Variants in TRPV4 observed in about 807,000 individuals in gnomAD.
TRPV4 encodes transient receptor potential cation channel subfamily V member 4.
TRPV4 carries 58 observed loss-of-function variants against 84.1 expected under a neutral mutation model. The observed-to-expected ratio is 0.69, with a 90% confidence interval of 0.56 to 0.86. The LOEUF (loss-of-function observed/expected upper bound fraction) is 0.86, where lower values mean the gene tolerates loss of function less well. Among genes scored for constraint, TRPV4 ranks in the 40% least tolerant of loss-of-function variants. The probability of loss-of-function intolerance (pLI) is 0.00; values close to 1 mark genes in which losing one functional copy is unlikely to be tolerated. For missense variants in TRPV4, 879 were observed against 1,181.1 expected (o/e 0.74, Z 3.75); for synonymous variants, 489 against 500.9 (o/e 0.98, Z 0.32).
At chr12:109,804,953 C>T (rs1219867215) in intron 3 of TRPV4, among the ~76,000 whole-genome samples, 1 of 152,172 alleles carries the variant, frequency 6.6e-6, no homozygotes, top group Non-Finnish European at 1.5e-5. Flanking sequence ...AACATTCTTC[C>T]CTCCTCTTTT....
At chr12:109,820,759 G>A (rs1892069147) in intron 1 of TRPV4, among the ~76,000 whole-genome samples, 1 of 151,944 alleles carries the variant, frequency 6.6e-6, no homozygotes, top group South Asian at 2.1e-4. Context: ...TCCTGACCTC[G>A]TGATCCGCCT....
intron 1 of TRPV4, among the ~76,000 whole-genome samples, chr12:109,819,964 C>T (rs1892025912): frequency 6.6e-6 from 1 of 152,168 alleles, no homozygotes; most frequent in African/African-American, 2.4e-5. Context: ...TGGTGGTCCA[C>T]ACAGAGATGG....
intron 3 of TRPV4, among the ~76,000 whole-genome samples, chr12:109,805,307 A>G (rs1462133710): frequency 6.6e-6 from 1 of 152,226 alleles, no homozygotes; most frequent in African/African-American, 2.4e-5. Context: ...ATTCCAAACC[A>G]TAGGTGACCC....
chr12:109,794,265 C>T (rs1006107959), intron 8 of TRPV4, 64 bp downstream of exon 8: 1 of 1,591,504 alleles, frequency 6.3e-7, no homozygotes. Flanking sequence ...TGAGGTTGTG[C>T]CCCAGTCCTG....
At chr12:109,808,014 C>G (rs754510097) in intron 3 of TRPV4, among the ~76,000 whole-genome samples, 2 of 152,214 alleles carry the variant, frequency 1.3e-5, no homozygotes, top group Non-Finnish European at 2.9e-5. Flanking sequence ...AAGGTAGAAT[C>G]TGAACCCAGG....
At chr12:109,801,586 T>C (rs1390214623) in intron 4 of TRPV4, among the ~76,000 whole-genome samples, 1 of 152,190 alleles carries the variant, frequency 6.6e-6, no homozygotes, top group Non-Finnish European at 1.5e-5. Context: ...CTTTCCTTTA[T>C]AAATTATCCA....
At chr12:109,828,907 GAACATCA>G in intron 1 of TRPV4, among the ~76,000 whole-genome samples, 1 of 152,268 alleles carries the variant, frequency 6.6e-6, no homozygotes, top group Admixed American at 6.5e-5. Flanking sequence ...CCATCAAAAT[GAACATCA>G]GCCCTCACAC....
intron 6 of TRPV4, among the ~76,000 whole-genome samples, chr12:109,797,330 T>A (rs1890466823): frequency 6.6e-6 from 1 of 152,154 alleles, no homozygotes; most frequent in South Asian, 2.1e-4. Flanking sequence ...ATTTTTGTAT[T>A]TTTAGTAGAG....
chr12:109,789,629 C>T (rs977875035), intron 12 of TRPV4, among the ~76,000 whole-genome samples: 2 of 152,162 alleles, frequency 1.3e-5, no homozygotes, highest in Non-Finnish European at 2.9e-5. Context: ...GCAGCAACAA[C>T]CTGTCCCTAA....
rs771666778 is a variant in TRPV4 at position 109,783,273 on chromosome 12, C to G, written c.*348G>C. On this transcript the variant is annotated 3_prime_UTR_variant, in exon 16 of 16. Coordinates refer to ENST00000261740, the MANE Select transcript of TRPV4 (RefSeq NM_021625.5). The surrounding 1 kb of genome is among the most constrained non-coding windows in gnomAD (Gnocchi z 4.6). ...GCTTGGCCGGGCAGTGCACTTGGAA[C>G]GGGGTCCTAAGGCCTCTGCCAGGTT... is the stretch of plus-strand genomic sequence containing the variant. The G allele has an allele frequency of 7.8e-6, 2 of 256,850 alleles. No individual in the cohort carries two copies. Among genetic ancestry groups the G allele is most frequent in the South Asian group, 1.8e-4 (2 of 11,400 alleles). The allele number at this position is 256,850 out of a possible 1,614,324, so 15.9% of individuals were successfully genotyped here.
intron 13 of TRPV4, among the ~76,000 whole-genome samples, chr12:109,787,101 G>C (rs894869103): frequency 6.6e-6 from 1 of 152,182 alleles, no homozygotes; most frequent in Non-Finnish European, 1.5e-5. Flanking sequence ...CAGTGAGGGA[G>C]GGGTAGAGAC....
In TRPV4 at chr12:109,806,502, G is replaced by T. The variant is rs551204366; in HGVS notation, c.559+1794C>A. On this transcript the variant is annotated intron_variant, in intron 3 of 15. Coordinates refer to ENST00000261740, the MANE Select transcript of TRPV4 (RefSeq NM_021625.5). ...TTATAGGCATGAGCCACCGCACCCG[G>T]CCCCAGTAATTGTCTCCTGATGGAC... is the stretch of plus-strand genomic sequence containing the variant. 6.6e-5 allele frequency among the ~76,000 whole-genome samples: 10 copies of T among 151,648 alleles called. No individual in the cohort carries two copies. In the South Asian group the frequency reaches 1.5e-3, roughly 22 times the overall value.
intron 2 of TRPV4, among the ~76,000 whole-genome samples, chr12:109,813,632 T>G (rs995996416): frequency 6.6e-6 from 1 of 151,638 alleles, no homozygotes; most frequent in Non-Finnish European, 1.5e-5. Context: ...TATGGAAGGG[T>G]GGACAGAGGG....
chr12:109,788,697 G>C lies in TRPV4; in HGVS notation c.1911C>G (p.Asn637Lys). 1 of 1,614,184 alleles carries C rather than the reference G, an allele frequency of 6.2e-7. No homozygotes were observed. Among genetic ancestry groups the C allele is most frequent in the Non-Finnish European group, 8.5e-7 (1 of 1,180,054 alleles). Residue 637 changes from asparagine to lysine, a missense_variant, in exon 13 of 16, where the codon AAC becomes AAG. This residue lies in a region of TRPV4 where 242 missense variants were observed against 355.3 expected (regional missense o/e 0.68). Coordinates refer to ENST00000261740, the MANE Select transcript of TRPV4 (RefSeq NM_021625.5). ...TGCACACCTTCATGTTGGCACACGG[G>C]TTCAGGAGGGAGACCAGGGCTGTGG... ...GYASALVSLLNPCANMKVCNE... is the reference protein window; with the variant it reads ...GYASALVSLLKPCANMKVCNE...
At chr12:109,790,229 T>C (rs1889943986) in intron 12 of TRPV4, among the ~76,000 whole-genome samples, 2 of 152,222 alleles carry the variant, frequency 1.3e-5, no homozygotes, top group African/African-American at 4.8e-5. Context: ...CCTTGTCAGA[T>C]TCCTGTGCCA....
chr12:109,794,728 T>C (rs1281995972), intron 7 of TRPV4, among the ~76,000 whole-genome samples: 3 of 152,188 alleles, frequency 2.0e-5, no homozygotes, highest in Non-Finnish European at 4.4e-5. Context: ...AAAAGACATT[T>C]ATTTTCAGGC....
rs202036871 is a variant in TRPV4, at chr12:109,786,757, G to A, written c.2289C>T (p.Thr763=). The A allele has an allele frequency of 1.5e-4, 243 of 1,613,928 alleles. 2 individuals carry two copies. Among genetic ancestry groups the A allele is most frequent in the Non-Finnish European group, 7.0e-5 (83 of 1,180,006 alleles). The stretch of plus-strand genomic sequence containing the variant: ...GAGTGCCGTCCGAGCTCTTGCCCAC[G>A]GTGACCATCTCCCCAGAGCGGAAGG... ...RKAFRSGEMV[T]VGKSSDGTPD... The change falls in exon 14 of 16, where the codon ACC becomes ACT. Residue 763 remains threonine (T), a synonymous_variant. Coordinates refer to ENST00000261740, the MANE Select transcript of TRPV4 (RefSeq NM_021625.5). This position sits in a 1 kb window ranked among gnomAD's most constrained non-coding sequence, Gnocchi z 4.5.
At chr12:109,802,099 C>G (rs1211526284) in intron 4 of TRPV4, among the ~76,000 whole-genome samples, 1 of 151,102 alleles carries the variant, frequency 6.6e-6, no homozygotes, top group African/African-American at 2.4e-5. Context: ...TTCATGATCA[C>G]TAGACTCGCT....
intron 14 of TRPV4, among the ~76,000 whole-genome samples, chr12:109,785,771 G>A (rs1231164395): frequency 7.3e-5 from 11 of 151,724 alleles, no homozygotes; most frequent in Admixed American, 7.2e-4. Flanking sequence ...GGTGGCTCAC[G>A]CCTGTAATCC....
Sources: allele counts gnomAD v4.1 joint callset (sites outside exome capture counted in the v4.1 genomes callset), GRCh38; gene constraint gnomAD v4.1.1; regional missense constraint gnomAD v4.1.1; non-coding constraint Gnocchi (gnomAD v3.1); transcripts MANE v1.5; gene names NCBI Gene and HGNC (gene_info 2026-07-23, HGNC 2026-07-21).